TENM4: variants seen among roughly 807,000 people sequenced by gnomAD.
The protein encoded by TENM4 is teneurin transmembrane protein 4.
In TENM4, 82 loss-of-function variants were observed where a neutral mutation model predicts 243.3. That is an observed-to-expected ratio of 0.34 (90% CI 0.28 to 0.40). The LOEUF (loss-of-function observed/expected upper bound fraction) is 0.40. Ranked by LOEUF, TENM4 falls within the 10% of genes least tolerant of loss-of-function variation. TENM4 has a pLI of 1.00. For missense variants in TENM4, 3,138 were observed against 3,673.3 expected, an observed-to-expected ratio of 0.85 and a Z score of 3.77; for synonymous variants, 1,412 against 1,456.3, an observed-to-expected ratio of 0.97 and a Z score of 0.69.
intron 1 of TENM4, among the ~76,000 whole-genome samples, chr11:79,317,537 T>A (rs1380997683): frequency 2.0e-5 from 3 of 152,118 alleles, no homozygotes; most frequent in African/African-American, 4.8e-5. Context: ...GACTTTTATA[T>A]CTTTATTAAA....
chr11:79,196,229 G>C (rs985173623), intron 3 of TENM4, among the ~76,000 whole-genome samples: 1 of 152,004 alleles, frequency 6.6e-6, no homozygotes, highest in Non-Finnish European at 1.5e-5. Context: ...AGGGCATCTC[G>C]CAAGCCTGGA....
Position 78,672,060 on chromosome 11 carries a change from C to G in TENM4, c.5766G>C (p.Lys1922Asn). The change falls in exon 31 of 34, where the codon AAG (lysine) becomes AAC (asparagine). Residue 1922 changes from lysine to asparagine, a missense_variant. By Grantham distance (94) the Lys-to-Asn change is moderately conservative. Coordinates refer to ENST00000278550, the MANE Select transcript of TENM4 (RefSeq NM_001098816.3). ...TCTCTAAGTATGTGTAGCTCCATGT[C>G]TTCCCATCAGCGAAGATCCTGGATG... ...RITSRIFADG[K>N]TWSYTYLEKS... 6.2e-7 allele frequency: 1 copy of G among 1,613,918 alleles called. No individual in the cohort carries two copies. The highest frequency in any genetic ancestry group is 8.5e-7 in the Non-Finnish European group (1 of 1,179,862).
intron 4 of TENM4, among the ~76,000 whole-genome samples, chr11:79,114,533 AT>A (rs781288352): frequency 3.9e-5 from 6 of 152,182 alleles, no homozygotes; most frequent in Non-Finnish European, 7.3e-5. Context: ...GGAGCCTGGT[AT>A]TTACAGCCTG....
chr11:78,903,091 C>T (rs1315906296), intron 7 of TENM4, among the ~76,000 whole-genome samples, 177 bp downstream of exon 7: 3 of 152,172 alleles, frequency 2.0e-5, no homozygotes, highest in Non-Finnish European at 2.9e-5. Flanking sequence ...TTGGGTCTCT[C>T]GGGTTCCAAA....
chr11:79,206,733 C>T (rs920148504), intron 3 of TENM4, among the ~76,000 whole-genome samples: 2 of 152,120 alleles, frequency 1.3e-5, no homozygotes, highest in African/African-American at 4.8e-5. Flanking sequence ...AAGTACCTTC[C>T]ACCTCCGGCC....
intron 2 of TENM4, among the ~76,000 whole-genome samples, chr11:79,246,857 G>A (rs1457091059): frequency 7.4e-6 from 1 of 135,056 alleles, no homozygotes; most frequent in African/African-American, 3.0e-5. Flanking sequence ...GCCCAAGAAA[G>A]CTTTGGGAAT....
chr11:79,171,417 T>C (rs1373106994), intron 3 of TENM4, among the ~76,000 whole-genome samples: 2 of 152,218 alleles, frequency 1.3e-5, no homozygotes, highest in Admixed American at 1.3e-4. Context: ...GACTGTGCCT[T>C]CCTAGAGGGA....
At chr11:79,166,236 T>C (rs1862910676) in intron 3 of TENM4, among the ~76,000 whole-genome samples, 1 of 152,338 alleles carries the variant, frequency 6.6e-6, no homozygotes, top group Admixed American at 6.5e-5. Context: ...GCTCTGCTAG[T>C]GATTGTACTA....
At chr11:79,218,584 A>C (rs1430197347) in intron 2 of TENM4, among the ~76,000 whole-genome samples, 1 of 152,018 alleles carries the variant, frequency 6.6e-6, no homozygotes, top group African/African-American at 2.4e-5. Flanking sequence ...CCTGTGCCTT[A>C]TGGTCCCTCC....
chr11:78,986,632 C>T (rs191850132), intron 6 of TENM4, among the ~76,000 whole-genome samples: 3 of 151,714 alleles, frequency 2.0e-5, no homozygotes, highest in African/African-American at 7.3e-5. Context: ...GGTGTGATCT[C>T]GGCTCACTGC....
chr11:78,834,993 C>T (rs1489169908), intron 12 of TENM4, among the ~76,000 whole-genome samples: 1 of 152,194 alleles, frequency 6.6e-6, no homozygotes, highest in Admixed American at 6.5e-5. Context: ...ACTCCATCCA[C>T]TCTTTTTTTC....
chr11:78,686,298 C>T (rs1178091890), intron 29 of TENM4, among the ~76,000 whole-genome samples: 1 of 152,136 alleles, frequency 6.6e-6, no homozygotes, highest in Non-Finnish European at 1.5e-5. Context: ...AGGTGATGTG[C>T]CTGGGGAGGG....
chr11:78,889,696 G>A (rs986339177), intron 9 of TENM4, 89 bp downstream of exon 9: 2 of 1,378,524 alleles, frequency 1.5e-6, no homozygotes, highest in African/African-American at 2.9e-5. Context: ...TGCCATGCTA[G>A]TAAGGAGCCT....
At chr11:79,260,395 G>A (rs145638949) in intron 2 of TENM4, among the ~76,000 whole-genome samples, 24 of 152,280 alleles carry the variant, frequency 1.6e-4, no homozygotes, top group Middle Eastern at 3.4e-3. Flanking sequence ...CATTCCATAT[G>A]TCTGGACATG....
At chr11:79,140,798 C>T (rs898464919) in intron 4 of TENM4, among the ~76,000 whole-genome samples, 2 of 152,100 alleles carry the variant, frequency 1.3e-5, no homozygotes, top group African/African-American at 4.8e-5. Flanking sequence ...GCATGACAGT[C>T]GTCTTCCACA....
At chr11:79,049,345 G>A (rs1464553257) in intron 6 of TENM4, among the ~76,000 whole-genome samples, 1 of 152,178 alleles carries the variant, frequency 6.6e-6, no homozygotes, top group African/African-American at 2.4e-5. Context: ...CGCTCTAACA[G>A]AATTTCTCAC....
chr11:78,748,227 T>A (rs1256055514), intron 19 of TENM4, among the ~76,000 whole-genome samples: 1 of 152,240 alleles, frequency 6.6e-6, no homozygotes, highest in Non-Finnish European at 1.5e-5. Context: ...AATGAATGCT[T>A]ACTGCCCTAA....
At chr11:78,974,180 A>T (rs1857602324) in intron 6 of TENM4, among the ~76,000 whole-genome samples, 1 of 152,236 alleles carries the variant, frequency 6.6e-6, no homozygotes, top group Admixed American at 6.5e-5. Flanking sequence ...TCATATGGCC[A>T]CAGGCCACAT....
chr11:79,350,357 C>A (rs1565310633), intron 1 of TENM4, among the ~76,000 whole-genome samples: 3 of 152,130 alleles, frequency 2.0e-5, no homozygotes, highest in Admixed American at 6.5e-5. Context: ...CTACTGCTAA[C>A]ACCTTAGTCC....
Sources: allele counts gnomAD v4.1 joint callset (sites outside exome capture counted in the v4.1 genomes callset), GRCh38; gene constraint gnomAD v4.1.1; transcripts MANE v1.5; gene names NCBI Gene and HGNC (gene_info 2026-07-23, HGNC 2026-07-21).